Variants in CNTNAP3B observed in about 807,000 individuals in gnomAD.
CNTNAP3B encodes contactin-associated protein-like 3B.
In CNTNAP3B, 25 loss-of-function variants were observed where a neutral mutation model predicts 108.9. The ratio of observed to expected loss-of-function variants is 0.23; its 90% confidence interval spans 0.17 to 0.32. CNTNAP3B has a LOEUF of 0.32. Ranked by LOEUF, CNTNAP3B falls within the 10% of genes least tolerant of loss-of-function variation. CNTNAP3B has a pLI of 1.00. For missense variants in CNTNAP3B, 252 were observed against 1,210.4 expected (o/e 0.21, Z 11.75); for synonymous variants, 103 against 473.4 (o/e 0.22, Z 10.16).
chr9:41,966,854 C>T (rs1307769452), intron 10 of CNTNAP3B, among the ~76,000 whole-genome samples: 2 of 150,210 alleles, frequency 1.3e-5, no homozygotes, highest in African/African-American at 5.0e-5. Context: ...GTAGTTCCAG[C>T]TACTCGGGAG....
chr9:41,938,893 G>T (rs1196710288), intron 13 of CNTNAP3B, among the ~76,000 whole-genome samples: 3 of 152,362 alleles, frequency 2.0e-5, no homozygotes, highest in Admixed American at 6.5e-5. Flanking sequence ...ATTTTTGGAG[G>T]TATTTGTTTT....
intron 12 of CNTNAP3B, among the ~76,000 whole-genome samples, chr9:41,957,480 G>T (rs1824896399): frequency 8.2e-6 from 1 of 121,472 alleles, no homozygotes; most frequent in Non-Finnish European, 1.7e-5. Flanking sequence ...TTCTATTGAG[G>T]TATCTCTAAG....
intron 18 of CNTNAP3B, among the ~76,000 whole-genome samples, chr9:41,914,182 TTTTA>T (rs1192435938): frequency 8.3e-4 from 60 of 72,306 alleles, no homozygotes; most frequent in Middle Eastern, 4.9e-3. Context: ...TATTTTCTGT[TTTTA>T]TTTATTTATT....
At chr9:42,029,578 T>A (rs1347473923) in intron 3 of CNTNAP3B, among the ~76,000 whole-genome samples, 1 of 121,438 alleles carries the variant, frequency 8.2e-6, no homozygotes, top group East Asian at 2.8e-4. Context: ...TCGCCCAGGC[T>A]GGAGTGCAGT....
At chr9:42,115,327 T>C (rs1192074166) in intron 1 of CNTNAP3B, among the ~76,000 whole-genome samples, 1 of 131,610 alleles carries the variant, frequency 7.6e-6, no homozygotes, top group Non-Finnish European at 1.6e-5. Flanking sequence ...AGAAGACAGG[T>C]GATTTCTGAA....
chr9:41,917,928 G>A, intron 18 of CNTNAP3B, among the ~76,000 whole-genome samples: 1 of 152,306 alleles, frequency 6.6e-6, no homozygotes, highest in African/African-American at 2.4e-5. Flanking sequence ...GAGGTGCAGG[G>A]AGAGGGTCTT....
At chr9:41,937,191 G>A (rs1486034038) in intron 14 of CNTNAP3B, among the ~76,000 whole-genome samples, 11 of 148,714 alleles carry the variant, frequency 7.4e-5, no homozygotes, top group African/African-American at 2.3e-4. Context: ...GCAGTGGCGC[G>A]ATCTCAGCTC....
intron 2 of CNTNAP3B, among the ~76,000 whole-genome samples, chr9:42,077,800 A>C (rs2118618999): frequency 1.2e-5 from 1 of 86,014 alleles, no homozygotes; most frequent in South Asian, 4.1e-4. Context: ...TGGGTATTGA[A>C]GAAGATGCAT....
chr9:41,926,178 T>C (rs1255945984), intron 15 of CNTNAP3B, among the ~76,000 whole-genome samples: 1 of 152,286 alleles, frequency 6.6e-6, no homozygotes, highest in Non-Finnish European at 1.5e-5. Flanking sequence ...CCTTCCCACA[T>C]GTATAACTCT....
rs1209572649 is a variant in CNTNAP3B at position 42,114,918 on chromosome 9, G to A, written c.86-10179C>T. Among the ~76,000 whole-genome samples the A allele has an allele frequency of 3.0e-5, 4 of 135,132 alleles. 1 individual carries two copies. The highest frequency in any genetic ancestry group is 6.3e-5 in the Non-Finnish European group (4 of 63,706). The allele number at this position is 135,132 out of a possible 152,430, so 88.7% of individuals were successfully genotyped here. A position where few individuals can be genotyped will look rare whatever the true frequency, so the allele number is the denominator to read the frequency against. On this transcript the variant is annotated intron_variant, in intron 1 of 23. Transcript: ENST00000377561. ...AAAATACAAAAATTAGCTGGGCATG[G>A]TAGCGGGAACTTGCAATCCCAGCTA...
At chr9:41,969,688 G>A (rs1825384845) in intron 10 of CNTNAP3B, among the ~76,000 whole-genome samples, 1 of 151,512 alleles carries the variant, frequency 6.6e-6, no homozygotes, top group Non-Finnish European at 1.5e-5. Flanking sequence ...CGCGATCTCT[G>A]CTCACTGCAA....
At position 42,047,720 on chromosome 9, in the gene CNTNAP3B, C is replaced by T. The variant is rs1350356661; in HGVS notation, c.390+29149G>A. 5.8e-4 allele frequency among the ~76,000 whole-genome samples: 45 copies of T among 77,440 alleles called. 5 individuals carry two copies. Among genetic ancestry groups the T allele is most frequent in the African/African-American group, 2.3e-3 (41 of 18,096 alleles). The allele number at this position is 77,440 out of a possible 152,430, so 50.8% of individuals were successfully genotyped here. On this transcript the variant is annotated intron_variant, in intron 3 of 23. Coordinates refer to ENST00000377561, the MANE Select transcript of CNTNAP3B (RefSeq NM_001201380.3). ...CCTTCCTTCCTTCTGGTGTGAACTG[C>T]ACCAGCACCCTGCCCCTCGCCCCTC...
At position 41,978,956 on chromosome 9, in the gene CNTNAP3B, A is replaced by AT. The variant is rs1375921508; in HGVS notation, c.1477+7211dup. Among the ~76,000 whole-genome samples, 8 of 144,468 alleles carry AT rather than the reference A, an allele frequency of 5.5e-5. 1 individual carries two copies. The East Asian group carries it at 1.0e-3, about 18-fold the overall frequency. 94.8% of individuals were successfully genotyped at this position (144,468 alleles called of 152,430 possible). A position where few individuals can be genotyped will look rare whatever the true frequency, so the allele number is the denominator to read the frequency against. ...TTTTATTTGTCAAATAAATATTTTA[A>AT]TTTTTTTGAAAAAGGGATTTATGGC... On this transcript the variant is annotated intron_variant, in intron 9 of 23. Coordinates refer to ENST00000377561, the MANE Select transcript of CNTNAP3B (RefSeq NM_001201380.3).
chr9:42,090,605 ATATG>A (rs1274391971), intron 2 of CNTNAP3B, among the ~76,000 whole-genome samples: 5 of 133,682 alleles, frequency 3.7e-5, no homozygotes, highest in Admixed American at 7.7e-5. Flanking sequence ...ACTGAAATAT[ATATG>A]TATGTATATA....
rs1251072499 is a variant in CNTNAP3B, at chr9:41,991,233, G to A, written c.1333+377C>T. The stretch of plus-strand genomic sequence containing the variant: ...AATATTTGTGCACAGACCCTGAGCG[G>A]CAGGGCGGAGAAGGGAAAGGAGAAG... On this transcript the variant is annotated intron_variant, in intron 8 of 23. Transcript: ENST00000377561. 4.4e-4 allele frequency among the ~76,000 whole-genome samples: 40 copies of A among 91,244 alleles called. 12 individuals carry two copies. The highest frequency in any genetic ancestry group is 1.6e-3 in the African/African-American group (39 of 23,712). The allele number at this position is 91,244 out of a possible 152,430, so 59.9% of individuals were successfully genotyped here.
At chr9:42,058,334 G>T (rs1366200038) in intron 3 of CNTNAP3B, among the ~76,000 whole-genome samples, 4 of 84,526 alleles carry the variant, frequency 4.7e-5, no homozygotes, top group African/African-American at 1.2e-4. Context: ...GCCACCAACA[G>T]TATACAGGGA....
chr9:41,915,596 A>G (rs1291383195), intron 18 of CNTNAP3B, among the ~76,000 whole-genome samples: 1 of 138,780 alleles, frequency 7.2e-6, no homozygotes, highest in Non-Finnish European at 1.6e-5. Context: ...GTATGATGTT[A>G]GTTGCAGGTT....
intron 10 of CNTNAP3B, among the ~76,000 whole-genome samples, chr9:41,968,719 T>C (rs920975617): frequency 2.1e-5 from 3 of 144,094 alleles, no homozygotes; most frequent in African/African-American, 8.0e-5. Flanking sequence ...ATTTTACAGT[T>C]AATGTTTAAA....
At chr9:42,074,734 C>T (rs1415183399) in intron 3 of CNTNAP3B, among the ~76,000 whole-genome samples, 5 of 135,864 alleles carry the variant, frequency 3.7e-5, no homozygotes, top group South Asian at 2.4e-4. Flanking sequence ...CATTTCATTG[C>T]TTTAGTCCAA....
Sources: gnomAD v4.1 joint callset for allele counts (sites outside exome capture counted in the v4.1 genomes callset) on GRCh38, gnomAD v4.1.1 for gene constraint, MANE v1.5 for transcripts, NCBI Gene and HGNC (gene_info 2026-07-23, HGNC 2026-07-21) for gene names.